FAM110B: variants seen among roughly 807,000 people sequenced by gnomAD.
The protein encoded by FAM110B is protein FAM110B.
FAM110B carries 6 observed loss-of-function variants against 20.4 expected under a neutral mutation model. The ratio of observed to expected loss-of-function variants is 0.29; its 90% CI spans 0.16 to 0.58. FAM110B has a LOEUF of 0.58. Among genes scored for constraint, FAM110B ranks in the 20% least tolerant of loss-of-function variants. FAM110B has a pLI of 0.90. For synonymous variants in FAM110B, 226 were observed against 214.1 expected (o/e 1.06, Z -0.49); for missense variants, 434 against 498.2 (o/e 0.87, Z 1.23).
chr8:58,121,384 G>T (rs951614236), intron 3 of FAM110B, among the ~76,000 whole-genome samples: 3 of 152,198 alleles, frequency 2.0e-5, no homozygotes, highest in African/African-American at 7.2e-5. Flanking sequence ...TAGCTTCCCA[G>T]ATTCCAAGCA....
chr8:58,037,411 G>A (rs1585831130), intron 2 of FAM110B, among the ~76,000 whole-genome samples: 2 of 151,916 alleles, frequency 1.3e-5, no homozygotes, highest in East Asian at 3.9e-4. Flanking sequence ...CAAATTGGGA[G>A]GATTGCTTGA....
At chr8:58,031,975 G>A (rs897898804) in intron 2 of FAM110B, among the ~76,000 whole-genome samples, 1 of 152,148 alleles carries the variant, frequency 6.6e-6, no homozygotes, top group Non-Finnish European at 1.5e-5. Context: ...CCATGCCCTG[G>A]CAGGAATGGG....
chr8:58,146,399 G>A lies in FAM110B; in HGVS notation c.169G>A (p.Asp57Asn), dbSNP rs1803864505. Reference protein sequence around the residue: ...RLSAVERLEADKAKYVKSQEV... With the variant: ...RLSAVERLEANKAKYVKSQEV... ...CAGCGCCGTGGAGAGGCTGGAGGCC[G>A]ACAAGGCCAAGTACGTCAAGAGCCA... The change falls in exon 4 of 4, where the codon GAC (aspartate) becomes AAC (asparagine). Residue 57 changes from aspartate to asparagine, a missense_variant. By Grantham distance (23) the Asp-to-Asn change is conservative. Around this residue, in one of 3 missense-constraint regions of FAM110B, gnomAD observed 56 missense variants for 82.1 expected, o/e 0.68. Transcript: ENST00000519262. 6.2e-7 allele frequency: 1 copy of A among 1,613,878 alleles called. No homozygotes were observed. The highest frequency in any genetic ancestry group is 1.7e-5 in the Admixed American group (1 of 60,008).
At chr8:58,144,853 A>C (rs771004153) in intron 3 of FAM110B, among the ~76,000 whole-genome samples, 7 of 152,210 alleles carry the variant, frequency 4.6e-5, no homozygotes, top group Non-Finnish European at 8.8e-5. Flanking sequence ...ATTATATGGC[A>C]TATGAAATAA....
chr8:58,012,266 T>G (rs565809725), intron 1 of FAM110B, among the ~76,000 whole-genome samples: 4 of 152,258 alleles, frequency 2.6e-5, no homozygotes, highest in Non-Finnish European at 4.4e-5. Context: ...CTGATTTTTT[T>G]TTGTTGTTGA....
At chr8:58,078,845 C>A (rs938529324) in intron 3 of FAM110B, among the ~76,000 whole-genome samples, 2 of 151,986 alleles carry the variant, frequency 1.3e-5, no homozygotes, top group Non-Finnish European at 2.9e-5. Flanking sequence ...CCACCGCGCC[C>A]GGCCAGATTT....
At chr8:58,085,811 A>G (rs149140536) in intron 3 of FAM110B, among the ~76,000 whole-genome samples, 7 of 152,214 alleles carry the variant, frequency 4.6e-5, no homozygotes, top group African/African-American at 1.7e-4. Flanking sequence ...CCCCCACTGC[A>G]GTTCTTGGGC....
chr8:58,056,650 G>A (rs1163077577), intron 2 of FAM110B, among the ~76,000 whole-genome samples: 3 of 152,182 alleles, frequency 2.0e-5, no homozygotes, highest in Non-Finnish European at 4.4e-5. Context: ...TGAGAACTTA[G>A]TTTGTTCAGG....
chr8:58,027,078 C>A (rs1187817494), intron 1 of FAM110B, among the ~76,000 whole-genome samples: 1 of 152,162 alleles, frequency 6.6e-6, no homozygotes, highest in African/African-American at 2.4e-5. Context: ...TAGGCTACAT[C>A]TTCCCTCTCC....
intron 1 of FAM110B, among the ~76,000 whole-genome samples, chr8:58,011,124 C>T (rs1804524759): frequency 1.3e-5 from 2 of 152,260 alleles, no homozygotes; most frequent in South Asian, 2.1e-4. Context: ...TCTTTACAAT[C>T]GAGGAGGTTT....
intron 2 of FAM110B, among the ~76,000 whole-genome samples, chr8:58,042,338 G>A (rs1805238469): frequency 6.6e-6 from 1 of 152,250 alleles, no homozygotes; most frequent in Admixed American, 6.5e-5. Flanking sequence ...CAATCCAGTG[G>A]TAATGAGAAT....
intron 2 of FAM110B, among the ~76,000 whole-genome samples, chr8:58,049,479 T>A (rs564531314): frequency 6.6e-6 from 1 of 152,264 alleles, no homozygotes; most frequent in South Asian, 2.1e-4. Context: ...TTAGGTCAGA[T>A]GTTTCTCATT....
chr8:58,000,913 T>C (rs964669761), intron 1 of FAM110B, among the ~76,000 whole-genome samples: 2 of 152,114 alleles, frequency 1.3e-5, no homozygotes, highest in South Asian at 4.1e-4. Context: ...TCAGATTTTT[T>C]CCCCCCAATA....
intron 2 of FAM110B, among the ~76,000 whole-genome samples, chr8:58,075,269 T>G (rs531304354): frequency 0.058 from 7,145 of 122,178 alleles, 253 homozygotes; most frequent in African/African-American, 0.15. Context: ...TTGCTTTTTT[T>G]TTTTTTTGTG....
chr8:58,039,145 G>A (rs1463653397), intron 2 of FAM110B, among the ~76,000 whole-genome samples: 2 of 152,314 alleles, frequency 1.3e-5, no homozygotes, highest in East Asian at 1.9e-4. Flanking sequence ...CCAGATCGCC[G>A]GGTGCCAGCC....
chr8:58,030,044 T>C (rs1804934219), intron 1 of FAM110B, among the ~76,000 whole-genome samples: 2 of 152,202 alleles, frequency 1.3e-5, no homozygotes, highest in African/African-American at 2.4e-5. Flanking sequence ...AATAAAAGTA[T>C]TGGTTGCAAA....
At chr8:58,131,416 T>C (rs2150634394) in intron 3 of FAM110B, among the ~76,000 whole-genome samples, 1 of 152,176 alleles carries the variant, frequency 6.6e-6, no homozygotes. Flanking sequence ...GAGCCACTGC[T>C]CCCAGCCCAT....
At position 58,019,029 on chromosome 8, in the gene FAM110B, T is replaced by A. The variant is rs548725570; in HGVS notation, c.-511-12577T>A. ...TTATTTTTTACTTTTCAGCCAAATA[T>A]CTTTTTGTAAATGTAAAAAAGAAAA... is the stretch of plus-strand genomic sequence containing the variant. On this transcript the variant is annotated intron_variant, in intron 1 of 3. Coordinates refer to ENST00000519262, the MANE Select transcript of FAM110B (RefSeq NM_001377989.1). Among the ~76,000 whole-genome samples the A allele has an allele frequency of 2.0e-5, 3 of 152,288 alleles. No individual in the cohort carries two copies. The South Asian group carries it at 6.2e-4, about 32-fold the overall frequency.
At chr8:58,032,049 C>A (rs1384601319) in intron 2 of FAM110B, 1 of 152,276 alleles carries the variant, frequency 6.6e-6, no homozygotes, top group Admixed American at 6.5e-5. Context: ...TGCTGGGGGG[C>A]AGATGCTCTG....
Sources: gnomAD v4.1 joint callset for allele counts (sites outside exome capture counted in the v4.1 genomes callset) on GRCh38, gnomAD v4.1.1 for gene constraint, gnomAD v4.1.1 regional missense constraint, MANE v1.5 for transcripts, NCBI Gene and HGNC (gene_info 2026-07-23, HGNC 2026-07-21) for gene names.